The following ZRANB3 variants were observed in gnomAD, a reference collection of about 807,000 sequenced individuals.
ZRANB3 encodes the protein DNA annealing helicase and endonuclease ZRANB3.
ZRANB3 carries 125 observed loss-of-function variants against 133.8 expected under a neutral mutation model. The observed-to-expected ratio is 0.93, with a 90% CI of 0.81 to 1.08. The LOEUF (loss-of-function observed/expected upper bound fraction) is 1.08. Ranked by LOEUF, ZRANB3 falls within the 50% of genes least tolerant of loss-of-function variation. The pLI is 0.00. For synonymous variants in ZRANB3, 387 were observed against 432.7 expected (o/e 0.89, Z 1.31); for missense variants, 1,229 against 1,275.5 (o/e 0.96, Z 0.56).
intron 15 of ZRANB3, among the ~76,000 whole-genome samples, chr2:135,221,064 C>G (rs1694533797): frequency 6.6e-6 from 1 of 152,024 alleles, no homozygotes; most frequent in African/African-American, 2.4e-5. Context: ...ACCATATTGG[C>G]CAGGCTGGTC....
intron 1 of ZRANB3, chr2:135,511,422 C>G: frequency 1.2e-6 from 1 of 813,134 alleles, no homozygotes; most frequent in Middle Eastern, 2.3e-4. Flanking sequence ...TGCCTGATCA[C>G]AGAAAGTTCC....
chr2:135,253,561 A>G (rs1392442760), intron 12 of ZRANB3, among the ~76,000 whole-genome samples: 1 of 152,192 alleles, frequency 6.6e-6, no homozygotes, highest in East Asian at 1.9e-4. Flanking sequence ...ATAGCATACT[A>G]TACACCTAGA....
At chr2:135,511,334 T>C (rs562351054) in intron 1 of ZRANB3, 1 of 854,148 alleles carries the variant, frequency 1.2e-6, no homozygotes, top group Non-Finnish European at 2.0e-6. Flanking sequence ...CACATTCTTG[T>C]TCTGGTTCTG....
chr2:135,502,915 T>C (rs770111571), intron 2 of ZRANB3, among the ~76,000 whole-genome samples: 1 of 152,172 alleles, frequency 6.6e-6, no homozygotes, highest in African/African-American at 2.4e-5. Context: ...ATGTGTACAA[T>C]AGACACAAAC....
intron 2 of ZRANB3, among the ~76,000 whole-genome samples, chr2:135,402,868 G>T (rs1225694908): frequency 6.6e-6 from 1 of 152,150 alleles, no homozygotes. Flanking sequence ...TTACAGGCAT[G>T]AACCACCGCA....
At chr2:135,366,064 G>C (rs1685918960) in intron 3 of ZRANB3, among the ~76,000 whole-genome samples, 1 of 152,180 alleles carries the variant, frequency 6.6e-6, no homozygotes, top group African/African-American at 2.4e-5. Context: ...AATTTTTGCA[G>C]GTTATTAGGA....
intron 5 of ZRANB3, among the ~76,000 whole-genome samples, chr2:135,349,186 C>A (rs1273349455): frequency 6.6e-6 from 1 of 152,112 alleles, no homozygotes; most frequent in East Asian, 1.9e-4. Context: ...ATAGCTGTCA[C>A]CCAGGCTTGG....
chr2:135,282,758 A>G (rs1681154887), intron 8 of ZRANB3, among the ~76,000 whole-genome samples: 1 of 152,178 alleles, frequency 6.6e-6, no homozygotes, highest in African/African-American at 2.4e-5. Context: ...AGTTTTACAA[A>G]AAAACCCTGG....
At chr2:135,337,143 G>GC (rs1684404794) in intron 6 of ZRANB3, among the ~76,000 whole-genome samples, 1 of 152,150 alleles carries the variant, frequency 6.6e-6, no homozygotes, top group Non-Finnish European at 1.5e-5. Flanking sequence ...CCATTAAAAA[G>GC]CTTGCCTAAT....
intron 2 of ZRANB3, among the ~76,000 whole-genome samples, chr2:135,500,298 T>C (rs1215346216): frequency 6.6e-6 from 1 of 152,128 alleles, no homozygotes; most frequent in Non-Finnish European, 1.5e-5. Context: ...CAGAAATGTG[T>C]ATATATATTC....
chr2:135,207,328 C>T, intron 19 of ZRANB3, 106 bp downstream of exon 19: 1 of 1,370,878 alleles, frequency 7.3e-7, no homozygotes, highest in Non-Finnish European at 9.7e-7. Flanking sequence ...ATTTTCTTTC[C>T]TTTTATATAT....
chr2:135,214,586 GAGA>G (rs1404719319), intron 17 of ZRANB3, among the ~76,000 whole-genome samples: 1 of 152,126 alleles, frequency 6.6e-6, no homozygotes, highest in Non-Finnish European at 1.5e-5. Flanking sequence ...ATGTGAGAAA[GAGA>G]AGGTCAACAA....
At chr2:135,383,461 T>C (rs1011427504) in intron 3 of ZRANB3, among the ~76,000 whole-genome samples, 1 of 151,982 alleles carries the variant, frequency 6.6e-6, no homozygotes, top group Non-Finnish European at 1.5e-5. Context: ...AACAAGGATA[T>C]CCAGGAATTG....
intron 2 of ZRANB3, among the ~76,000 whole-genome samples, chr2:135,455,669 G>A (rs1313744726): frequency 2.8e-5 from 4 of 142,008 alleles, no homozygotes; most frequent in Non-Finnish European, 4.5e-5. Context: ...TCGGCTCACT[G>A]CAAGTTCCGC....
chr2:135,444,130 A>G (rs1689913938), intron 2 of ZRANB3, among the ~76,000 whole-genome samples: 1 of 152,060 alleles, frequency 6.6e-6, no homozygotes, highest in Non-Finnish European at 1.5e-5. Context: ...AAGCGCTGAT[A>G]AGAATGAGGA....
At chr2:135,422,469 G>A (rs942774602) in intron 2 of ZRANB3, among the ~76,000 whole-genome samples, 1 of 144,752 alleles carries the variant, frequency 6.9e-6, no homozygotes, top group African/African-American at 2.6e-5. Flanking sequence ...TATTCTTCTG[G>A]TATCTTTCTT....
chr2:135,255,044 T>A (rs1260563614), intron 12 of ZRANB3, among the ~76,000 whole-genome samples: 1 of 151,844 alleles, frequency 6.6e-6, no homozygotes, highest in Non-Finnish European at 1.5e-5. Flanking sequence ...AGCCACCGCA[T>A]CCGGCCGTAG....
At chr2:135,515,549 G>A (rs1574239433) in intron 1 of ZRANB3, among the ~76,000 whole-genome samples, 1 of 152,148 alleles carries the variant, frequency 6.6e-6, no homozygotes, top group African/African-American at 2.4e-5. Context: ...TTACCCAGTA[G>A]TCATTCAGGA....
intron 3 of ZRANB3, among the ~76,000 whole-genome samples, chr2:135,386,031 A>T (rs1686955172): frequency 6.6e-6 from 1 of 152,230 alleles, no homozygotes; most frequent in Admixed American, 6.5e-5. Flanking sequence ...AAGGCAAAAG[A>T]AACTACCATC....
Sources: allele counts gnomAD v4.1 joint callset (sites outside exome capture counted in the v4.1 genomes callset), GRCh38; gene constraint gnomAD v4.1.1; transcripts MANE v1.5; gene names NCBI Gene and HGNC (gene_info 2026-07-23, HGNC 2026-07-21).